The following APAF1 variants were observed in gnomAD, a reference collection of about 807,000 sequenced individuals.
The protein encoded by APAF1 is apoptotic protease-activating factor 1.
APAF1 carries 91 observed loss-of-function variants against 152.4 expected under a neutral mutation model. That is an observed-to-expected ratio of 0.60 (90% CI 0.50 to 0.71). APAF1 has a LOEUF of 0.71. Ranked by LOEUF, APAF1 falls within the 30% of genes least tolerant of loss-of-function variation. The pLI is 0.00. For synonymous variants in APAF1, 484 were observed against 494.1 expected (o/e 0.98, Z 0.27); for missense variants, 1,283 against 1,472.0 (o/e 0.87, Z 2.10).
chr12:98,719,135 A>G (rs2097738526), intron 22 of APAF1, among the ~76,000 whole-genome samples: 1 of 152,094 alleles, frequency 6.6e-6, no homozygotes, highest in African/African-American at 2.4e-5. Context: ...GTCCTTCCAG[A>G]CTGTACCTCA....
intron 16 of APAF1, among the ~76,000 whole-genome samples, chr12:98,688,070 T>A (rs1323923322): frequency 6.6e-6 from 1 of 152,204 alleles, no homozygotes; most frequent in African/African-American, 2.4e-5. Flanking sequence ...GCCTTTTATA[T>A]TATTGCTTTC....
At chr12:98,721,921 A>C (rs2097743498) in intron 22 of APAF1, among the ~76,000 whole-genome samples, 2 of 152,218 alleles carry the variant, frequency 1.3e-5, no homozygotes, top group African/African-American at 4.8e-5. Context: ...AATGTTACTC[A>C]TGTGCATACC....
chr12:98,684,644 A>G lies in APAF1; in HGVS notation c.2178+1370A>G, dbSNP rs560431664. Among the ~76,000 whole-genome samples the G allele has an allele frequency of 2.0e-4, 31 of 152,108 alleles. No homozygotes were observed. In the South Asian group the frequency reaches 5.8e-3, roughly 29 times the overall value. ...ATTTGAAAACACTGGATTGGACCAA[A>G]ATTACAGAGTAATGTAGTAACATAA... On this transcript the variant is annotated intron_variant, in intron 15 of 26. Coordinates refer to ENST00000551964, the MANE Select transcript of APAF1 (RefSeq NM_181861.2).
At position 98,666,347 on chromosome 12, in the gene APAF1, G is replaced by T; in HGVS notation, c.1352G>T (p.Ser451Ile). ...GATTTTCTTACAGAGAAGAATTGCA[G>T]CCAGCTTCAGGTACTTGCATCTTGG... Reference protein sequence around the residue: ...QVDFLTEKNCSQLQDLHKKII... With the variant: ...QVDFLTEKNCIQLQDLHKKII... Residue 451 changes from serine to isoleucine, a missense_variant, in exon 9 of 27, where the codon AGC becomes ATC. Transcript: ENST00000551964. 6.2e-7 allele frequency: 1 copy of T among 1,612,450 alleles called. No homozygotes were observed. Among genetic ancestry groups the T allele is most frequent in the Non-Finnish European group, 8.5e-7 (1 of 1,179,576 alleles).
At chr12:98,683,073 AT>A in intron 14 of APAF1, 69 bp from the exon 15 acceptor site, 2 of 1,268,000 alleles carry the variant, frequency 1.6e-6, no homozygotes, top group Non-Finnish European at 1.1e-6. Flanking sequence ...AGCAATGGAC[AT>A]TGCTTTGCCC....
chr12:98,666,588 G>A (rs1009363095), intron 9 of APAF1, among the ~76,000 whole-genome samples: 7 of 152,094 alleles, frequency 4.6e-5, no homozygotes, highest in African/African-American at 1.7e-4. Context: ...GGCCAATTTA[G>A]GATCCCGTAT....
intron 14 of APAF1, among the ~76,000 whole-genome samples, chr12:98,682,052 G>GT (rs923577593): frequency 0.044 from 5,487 of 123,814 alleles, 311 homozygotes; most frequent in African/African-American, 0.12. Context: ...TAATTTTTTT[G>GT]TTTTTTTTTT....
intron 13 of APAF1, 41 bp from the exon 14 acceptor site, chr12:98,680,236 A>C (rs1203752977): frequency 6.5e-7 from 1 of 1,535,602 alleles, no homozygotes; most frequent in East Asian, 2.4e-5. Flanking sequence ...CCAGTAGTTA[A>C]GCAGTTTATT....
At chr12:98,708,519 T>A in intron 19 of APAF1, 66 bp from the exon 20 acceptor site, 1 of 1,533,126 alleles carries the variant, frequency 6.5e-7, no homozygotes, top group Non-Finnish European at 9.0e-7. Context: ...ATAGTTTGTC[T>A]CTCGCTTTAA....
intron 7 of APAF1, 145 bp downstream of exon 7, chr12:98,662,951 C>T (rs1048325160): frequency 4.6e-6 from 3 of 650,198 alleles, no homozygotes; most frequent in African/African-American, 1.8e-5. Flanking sequence ...TCTCTGATAT[C>T]TTAAATGGAT....
chr12:98,666,749 T>C (rs1377035335), intron 9 of APAF1, among the ~76,000 whole-genome samples: 1 of 152,182 alleles, frequency 6.6e-6, no homozygotes, highest in African/African-American at 2.4e-5. Context: ...TGGTTTTGTG[T>C]GATGTTTTTC....
intron 21 of APAF1, 31 bp downstream of exon 21, chr12:98,712,466 G>A: frequency 1.7e-6 from 2 of 1,197,782 alleles, no homozygotes; most frequent in African/African-American, 1.5e-5. Flanking sequence ...GAATCTTTCT[G>A]TACAGAATTA....
chr12:98,725,068 A>G (rs564440712), intron 24 of APAF1, among the ~76,000 whole-genome samples: 5 of 152,314 alleles, frequency 3.3e-5, no homozygotes, highest in Admixed American at 2.0e-4. Context: ...AGAAGCTTAT[A>G]TGAGTTGTCC....
rs1454799642 is a variant in APAF1 at position 98,666,170 on chromosome 12, A to G, written c.1195-20A>G. 6.2e-6 allele frequency: 10 copies of G among 1,611,812 alleles called. No individual in the cohort carries two copies. The highest frequency in any genetic ancestry group is 1.7e-5 in the Admixed American group (1 of 60,002). ...TCATTGTACTTTTGTGGCATATTAA[A>G]TACTTACAACAATTCCTAGGTGTTA... On this transcript the variant is annotated intron_variant, in intron 8 of 26. Transcript: ENST00000551964.
rs373875367 is a variant in APAF1 at position 98,665,540 on chromosome 12, T to C, written c.956-13T>C. On this transcript the variant is annotated splice_polypyrimidine_tract_variant and intron_variant, in intron 7 of 26. Transcript: ENST00000551964. ...GATGGTATTAGCATAGTGACTTCATTTTTTTTTTAAAGGCTCTCCCCTTGT... is the reference window on the plus strand; with the variant it reads ...GATGGTATTAGCATAGTGACTTCATCTTTTTTTTAAAGGCTCTCCCCTTGT... 23 of 1,584,024 alleles carry C rather than the reference T, an allele frequency of 1.5e-5. No homozygotes were observed. In the African/African-American group the frequency reaches 2.4e-4, roughly 17 times the overall value.
At position 98,648,601 on chromosome 12, in the gene APAF1, T is replaced by C. The variant is rs748163554; in HGVS notation, c.139-25T>C. 1.3e-5 allele frequency: 21 copies of C among 1,612,192 alleles called. No homozygotes were observed. In the South Asian group the frequency reaches 1.9e-4, roughly 14 times the overall value. ...TGTTGCATACATATTCATTGTTGTATACTAAACTACTTAATTTTTTTTAGC... is the reference window on the plus strand; with the variant it reads ...TGTTGCATACATATTCATTGTTGTACACTAAACTACTTAATTTTTTTTAGC... On this transcript the variant is annotated intron_variant, in intron 2 of 26. Coordinates refer to ENST00000551964, the MANE Select transcript of APAF1 (RefSeq NM_181861.2).
chr12:98,686,390 G>T (rs17028602), intron 15 of APAF1, among the ~76,000 whole-genome samples: 2,637 of 152,228 alleles, frequency 0.017, 70 homozygotes, highest in African/African-American at 0.06. Context: ...AAATATGGGG[G>T]TAATTTATAT....
intron 12 of APAF1, among the ~76,000 whole-genome samples, chr12:98,674,776 A>G (rs1420142673): frequency 6.6e-6 from 1 of 152,202 alleles, no homozygotes; most frequent in Non-Finnish European, 1.5e-5. Flanking sequence ...AAATTAGTGT[A>G]TATATGTATA....
chr12:98,665,278 A>ATATATATATATATATATATATTT (rs1491316422), intron 7 of APAF1, among the ~76,000 whole-genome samples: 11 of 65,988 alleles, frequency 1.7e-4, no homozygotes, highest in South Asian at 1.6e-3. Context: ...ATATATATAT[A>ATATATATATATATATATATATTT]TTTTTTTTTT....
Sources: gnomAD v4.1 joint callset for allele counts (sites outside exome capture counted in the v4.1 genomes callset) on GRCh38, gnomAD v4.1.1 for gene constraint, MANE v1.5 for transcripts, NCBI Gene and HGNC (gene_info 2026-07-23, HGNC 2026-07-21) for gene names.